RHEB: variants seen among roughly 807,000 people sequenced by gnomAD.
RHEB encodes Ras homolog, mTORC1 binding.
In RHEB, 2 loss-of-function variants were observed where a neutral mutation model predicts 28.8. The observed-to-expected ratio is 0.07, with a 90% CI of 0.03 to 0.22. The LOEUF (loss-of-function observed/expected upper bound fraction) is 0.22, where lower values mean the gene tolerates loss of function less well. Ranked by LOEUF, RHEB falls within the 10% of genes least tolerant of loss-of-function variation. The pLI, the probability that RHEB is intolerant of heterozygous loss-of-function variation, is 1.00. For missense variants in RHEB, 76 were observed against 219.9 expected (o/e 0.35, Z 4.14); for synonymous variants, 69 against 77.3 (o/e 0.89, Z 0.56).
At chr7:151,475,956 A>C (rs768863234) in intron 4 of RHEB, among the ~76,000 whole-genome samples, 16 of 152,224 alleles carry the variant, frequency 1.1e-4, no homozygotes, top group Non-Finnish European at 1.8e-4. Flanking sequence ...ATATACCAAG[A>C]TATTAACAGT....
chr7:151,517,903 G>GGAA (rs1486856344), intron 1 of RHEB: 4 of 152,084 alleles, frequency 2.6e-5, no homozygotes, highest in Non-Finnish European at 5.9e-5. Flanking sequence ...GACTGACTAG[G>GGAA]GAAGGCTCAC....
rs558669927 is a variant in RHEB, at chr7:151,502,469, T to C, written c.53-11455A>G. 1.9e-4 allele frequency: 163 copies of C among 863,826 alleles called. 1 individual carries two copies. Among genetic ancestry groups the C allele is most frequent in the Middle Eastern group, 5.3e-4 (2 of 3,748 alleles). 53.5% of individuals were successfully genotyped at this position (863,826 alleles called of 1,614,324 possible). On this transcript the variant is annotated intron_variant, in intron 1 of 7. Coordinates refer to ENST00000262187, the MANE Select transcript of RHEB (RefSeq NM_005614.4). ...AGTACCTCCAGATGGTCTGGTTGTT[T>C]ACTGTGGAACAACTGTAACAGAAGA...
In RHEB at chr7:151,519,833, A is replaced by G. The variant is rs1451618681; in HGVS notation, c.-322T>C. ...CGACGTTTTACTTTAAAGGCAAAAA[A>G]AGGGGACGCCGCGATGCCCCCAGAA... On this transcript the variant is annotated 5_prime_UTR_variant, in exon 1 of 8. Transcript: ENST00000262187. 1 of 244,028 alleles carries G rather than the reference A, an allele frequency of 4.1e-6. No individual in the cohort carries two copies. Among genetic ancestry groups the G allele is most frequent in the Non-Finnish European group, 7.9e-6 (1 of 126,934 alleles). The allele number at this position is 244,028 out of a possible 1,614,324, so 15.1% of individuals were successfully genotyped here.
intron 1 of RHEB, among the ~76,000 whole-genome samples, chr7:151,497,542 C>T (rs1226524464): frequency 6.6e-6 from 1 of 152,202 alleles, no homozygotes; most frequent in African/African-American, 2.4e-5. Flanking sequence ...CTACTATGGG[C>T]CAGGCACTGA....
chr7:151,491,487 G>A (rs1802579978), intron 1 of RHEB, among the ~76,000 whole-genome samples: 1 of 152,248 alleles, frequency 6.6e-6, no homozygotes, highest in African/African-American at 2.4e-5. Flanking sequence ...TGTAATCCCA[G>A]CACTTTGGGA....
chr7:151,494,329 G>C (rs963052768), intron 1 of RHEB, among the ~76,000 whole-genome samples: 1 of 152,152 alleles, frequency 6.6e-6, no homozygotes, highest in Non-Finnish European at 1.5e-5. Context: ...CCTGACTTGC[G>C]GGAGTGAAGG....
rs1282663475 is a variant in RHEB, at chr7:151,491,104, TGAA to T, written c.53-93_53-91del. On this transcript the variant is annotated intron_variant, in intron 1 of 7. Transcript: ENST00000262187. ...GTTTTATTAAAAAACCATTAATAGA[TGAA>T]GACACTGAAGGTATCAGGGTCAGAA... 4.0e-5 allele frequency: 31 copies of T among 776,806 alleles called. No homozygotes were observed. The East Asian group carries it at 7.7e-4, about 19-fold the overall frequency. 48.1% of individuals were successfully genotyped at this position (776,806 alleles called of 1,614,324 possible).
chr7:151,483,899 C>T (rs1463338291), intron 3 of RHEB, among the ~76,000 whole-genome samples: 1 of 152,208 alleles, frequency 6.6e-6, no homozygotes, highest in Non-Finnish European at 1.5e-5. Context: ...CTCCTTTCCC[C>T]CTTGCTTCCA....
At position 151,519,533 on chromosome 7, in the gene RHEB, G is replaced by A; in HGVS notation, c.-22C>T. 1.3e-6 allele frequency: 2 copies of A among 1,538,256 alleles called. No individual in the cohort carries two copies. Among genetic ancestry groups the A allele is most frequent in the East Asian group, 2.6e-5 (1 of 38,268 alleles). On this transcript the variant is annotated 5_prime_UTR_variant, in exon 1 of 8. Transcript: ENST00000262187. ...GCATCTTGGCGGCCTCCTCAGCCCC[G>A]GCCCAACCACATCAACCGCGGCGGC...
In RHEB at chr7:151,519,672, C is replaced by G. The variant is rs548333664; in HGVS notation, c.-161G>C. 1.6e-4 allele frequency: 81 copies of G among 496,610 alleles called. No homozygotes were observed. In the Middle Eastern group the frequency reaches 3.1e-3, roughly 19 times the overall value. 30.8% of individuals were successfully genotyped at this position (496,610 alleles called of 1,614,324 possible). A position where few individuals can be genotyped will look rare whatever the true frequency, so the allele number is the denominator to read the frequency against. On this transcript the variant is annotated 5_prime_UTR_variant, in exon 1 of 8. Coordinates refer to ENST00000262187, the MANE Select transcript of RHEB (RefSeq NM_005614.4). The stretch of plus-strand genomic sequence containing the variant: ...GCTCGCTAGCTCGCGCGCTCCCAAC[C>G]GCCCGGAACCGACCGCGCGGCGGCG...
chr7:151,491,047 G>T, intron 1 of RHEB, 33 bp from the exon 2 acceptor site: 1 of 1,497,978 alleles, frequency 6.7e-7, no homozygotes, highest in Non-Finnish European at 9.2e-7. Flanking sequence ...AGTGTGTGTT[G>T]GCATATGAAG....
intron 4 of RHEB, among the ~76,000 whole-genome samples, chr7:151,474,216 T>TCGCTCAGGCTGAAGTGCAATGG (rs1263762644): frequency 2.6e-5 from 4 of 151,840 alleles, no homozygotes; most frequent in Admixed American, 2.6e-4. Flanking sequence ...CCTTGCTTTG[T>TCGCTCAGGCTGAAGTGCAATGG]CGCTCAGGCT....
intron 2 of RHEB, 56 bp from the exon 3 acceptor site, chr7:151,484,860 TG>T: frequency 8.2e-7 from 1 of 1,217,450 alleles, no homozygotes; most frequent in East Asian, 2.4e-5. Flanking sequence ...CGAAACCACC[TG>T]AAGTTTGAAC....
At chr7:151,494,418 T>G (rs528329396) in intron 1 of RHEB, among the ~76,000 whole-genome samples, 1 of 152,306 alleles carries the variant, frequency 6.6e-6, no homozygotes, top group African/African-American at 2.4e-5. Context: ...TTACACACAT[T>G]AAACAAGACA....
At chr7:151,473,869 C>T (rs1802213842) in intron 4 of RHEB, among the ~76,000 whole-genome samples, 1 of 152,196 alleles carries the variant, frequency 6.6e-6, no homozygotes, top group Non-Finnish European at 1.5e-5. Flanking sequence ...AGTTGATCTA[C>T]TAAAAACGGT....
intron 1 of RHEB, among the ~76,000 whole-genome samples, chr7:151,514,881 A>C (rs573876591): frequency 1.3e-5 from 2 of 152,128 alleles, no homozygotes; most frequent in African/African-American, 2.4e-5. Flanking sequence ...CTACAAAAAA[A>C]TAAAAAAACT....
chr7:151,469,457 G>A (rs74339239), intron 7 of RHEB, among the ~76,000 whole-genome samples: 14,589 of 152,266 alleles, frequency 0.096, 943 homozygotes, highest in Non-Finnish European at 0.14. Context: ...ACAAACCTCC[G>A]TGCTGCGGAG....
chr7:151,515,935 G>C (rs974281827), intron 1 of RHEB, among the ~76,000 whole-genome samples: 14 of 152,148 alleles, frequency 9.2e-5, no homozygotes, highest in Admixed American at 5.2e-4. Flanking sequence ...ATGACAACCA[G>C]CTTTTAATTA....
intron 2 of RHEB, among the ~76,000 whole-genome samples, chr7:151,488,120 T>G (rs974465062): frequency 5.9e-5 from 9 of 152,254 alleles, no homozygotes; most frequent in South Asian, 2.1e-4. Flanking sequence ...TGCTTTTTAG[T>G]TATAAACTAC....
Sources: gnomAD v4.1 joint callset for allele counts (sites outside exome capture counted in the v4.1 genomes callset) on GRCh38, gnomAD v4.1.1 for gene constraint, MANE v1.5 for transcripts, NCBI Gene and HGNC (gene_info 2026-07-23, HGNC 2026-07-21) for gene names.